The following SLC30A7 variants were observed in gnomAD, a reference collection of about 807,000 sequenced individuals.
SLC30A7 encodes solute carrier family 30 member 7, also known as zinc transporter 7.
In SLC30A7, 35 loss-of-function variants were observed where a neutral mutation model predicts 46.0. That is an observed-to-expected ratio of 0.76 (90% CI 0.58 to 1.01). The LOEUF is 1.01. Among genes scored for constraint, SLC30A7 ranks in the 50% least tolerant of loss-of-function variants. SLC30A7 has a pLI of 0.00. For synonymous variants in SLC30A7, 147 were observed against 157.8 expected (o/e 0.93, Z 0.51); for missense variants, 464 against 451.1 (o/e 1.03, Z -0.26).
chr1:100,992,679 G>C, the SLC30A7 span: 16 of 1,613,836 alleles, frequency 9.9e-6, no homozygotes, highest in Non-Finnish European at 1.4e-5. Context: ...ACAATCTCCA[G>C]AAGCTGCTGG....
chr1:100,939,015 C>T (rs1284669535), intron 8 of SLC30A7, among the ~76,000 whole-genome samples: 1 of 152,136 alleles, frequency 6.6e-6, no homozygotes, highest in Admixed American at 6.5e-5. Context: ...TGTTTATGGC[C>T]ATGTGTAAAT....
chr1:100,936,820 G>T (rs932186010), intron 8 of SLC30A7, among the ~76,000 whole-genome samples: 1 of 152,076 alleles, frequency 6.6e-6, no homozygotes, highest in Non-Finnish European at 1.5e-5. Flanking sequence ...ATATATAAGT[G>T]GTACCTTATA....
chr1:100,896,249 G>T lies in SLC30A7; in HGVS notation c.-14G>T. On this transcript the variant is annotated 5_prime_UTR_variant, in exon 1 of 11. Coordinates refer to ENST00000357650, the MANE Select transcript of SLC30A7 (RefSeq NM_133496.5). ...TAGAGGGGAGTAGACCCGGCCCTTC[G>T]CCGGGCAGAGAAGATGTTGCCCCTG... The T allele has an allele frequency of 6.2e-7, 1 of 1,613,946 alleles. No individual in the cohort carries two copies. Among genetic ancestry groups the T allele is most frequent in the South Asian group, 1.1e-5 (1 of 91,070 alleles).
intron 3 of SLC30A7, among the ~76,000 whole-genome samples, chr1:100,908,628 G>C (rs754003724): frequency 3.9e-5 from 6 of 152,110 alleles, no homozygotes; most frequent in Non-Finnish European, 5.9e-5. Context: ...TGACAGCTCA[G>C]ATAAGAACGC....
chr1:100,958,423 G>A (rs943468919), intron 8 of SLC30A7, among the ~76,000 whole-genome samples: 4 of 152,106 alleles, frequency 2.6e-5, no homozygotes, highest in Non-Finnish European at 5.9e-5. Context: ...TGATCCACCC[G>A]CCTTGGCCTC....
Position 100,941,660 on chromosome 1 carries a change from G to C in SLC30A7, c.842+19819G>C. The stretch of plus-strand genomic sequence containing the variant: ...AAATATCTTTTTCACAGTTAAGTGG[G>C]CACTGGTCTCTGAGAGTCTTCTCTT... On this transcript the variant is annotated intron_variant, in intron 8 of 10. Transcript: ENST00000357650. 3 of 620,844 alleles carry C rather than the reference G, an allele frequency of 4.8e-6. No homozygotes were observed. In the East Asian group the frequency reaches 1.1e-4, roughly 23 times the overall value. The allele number at this position is 620,844 out of a possible 1,614,324, so 38.5% of individuals were successfully genotyped here. A position where few individuals can be genotyped will look rare whatever the true frequency, so the allele number is the denominator to read the frequency against.
chr1:100,946,816 G>A (rs557269269), intron 8 of SLC30A7, among the ~76,000 whole-genome samples: 1 of 152,278 alleles, frequency 6.6e-6, no homozygotes, highest in African/African-American at 2.4e-5. Context: ...GAGTTAGGGA[G>A]GATGCCCTCT....
intron 10 of SLC30A7, among the ~76,000 whole-genome samples, chr1:100,973,751 G>A (rs966256622): frequency 5.3e-5 from 8 of 152,108 alleles, no homozygotes; most frequent in African/African-American, 1.4e-4. Context: ...AGACTGATAA[G>A]TGAGGTAAAA....
downstream of SLC30A7, among the ~76,000 whole-genome samples, chr1:100,985,437 G>A (rs1252267303): frequency 6.6e-6 from 1 of 152,056 alleles, no homozygotes; most frequent in East Asian, 1.9e-4. Context: ...ACGTTTATAT[G>A]GAAAGGCAAA....
At chr1:100,939,847 T>TAA (rs573295797) in intron 8 of SLC30A7, among the ~76,000 whole-genome samples, 3,225 of 137,288 alleles carry the variant, frequency 0.023, 108 homozygotes, top group African/African-American at 0.077. Context: ...AGACTCCGTC[T>TAA]AAAAAAAAAA....
intron 4 of SLC30A7, among the ~76,000 whole-genome samples, chr1:100,911,352 A>G (rs529584465): frequency 6.6e-6 from 1 of 152,312 alleles, no homozygotes; most frequent in East Asian, 1.9e-4. Flanking sequence ...AAACAATTAA[A>G]TGATAGTGCT....
intron 2 of SLC30A7, among the ~76,000 whole-genome samples, chr1:100,903,872 T>G (rs1329542231): frequency 6.6e-6 from 1 of 152,154 alleles, no homozygotes; most frequent in Non-Finnish European, 1.5e-5. Context: ...TTCCAACTGA[T>G]GAAAACTCTA....
At chr1:100,939,447 G>C (rs978301562) in intron 8 of SLC30A7, among the ~76,000 whole-genome samples, 1 of 152,024 alleles carries the variant, frequency 6.6e-6, no homozygotes, top group African/African-American at 2.4e-5. Flanking sequence ...ATAACGTAGA[G>C]GTTAAATGAG....
chr1:100,934,397 A>G (rs2101049222), intron 8 of SLC30A7, among the ~76,000 whole-genome samples: 1 of 152,252 alleles, frequency 6.6e-6, no homozygotes, highest in Admixed American at 6.5e-5. Context: ...TAAATATTGC[A>G]CACTTAGAGA....
At chr1:100,983,406 CA>C (rs1320059834), downstream of SLC30A7, among the ~76,000 whole-genome samples, 1 of 135,016 alleles carries the variant, frequency 7.4e-6, no homozygotes, top group Non-Finnish European at 1.6e-5. Context: ...CAAAACAAAA[CA>C]AAAAAAACTA....
At chr1:100,943,784 T>C (rs554029954) in intron 8 of SLC30A7, among the ~76,000 whole-genome samples, 1 of 152,268 alleles carries the variant, frequency 6.6e-6, no homozygotes, top group African/African-American at 2.4e-5. Context: ...AAAGATGATC[T>C]TTATGTGGTA....
intron 9 of SLC30A7, among the ~76,000 whole-genome samples, chr1:100,964,301 ATG>A (rs67116302): frequency 6.2e-4 from 68 of 109,688 alleles, no homozygotes; most frequent in African/African-American, 2.6e-3. Flanking sequence ...TATATAACTT[ATG>A]TAACCTATAT....
chr1:100,897,382 G>A (rs573977722), intron 2 of SLC30A7, among the ~76,000 whole-genome samples: 1 of 152,048 alleles, frequency 6.6e-6, no homozygotes, highest in South Asian at 2.1e-4. Flanking sequence ...GTAACTTAAG[G>A]TCTTATGAAG....
chr1:100,941,729 G>A (rs1032748339), intron 8 of SLC30A7: 2 of 640,256 alleles, frequency 3.1e-6, no homozygotes, highest in African/African-American at 3.6e-5. Context: ...TCCACCTTGT[G>A]TAGCTTTGCA....
Sources: gnomAD v4.1 joint callset for allele counts (sites outside exome capture counted in the v4.1 genomes callset) on GRCh38, gnomAD v4.1.1 for gene constraint, MANE v1.5 for transcripts, NCBI Gene and HGNC (gene_info 2026-07-23, HGNC 2026-07-21) for gene names.